The following VTI1A variants were observed in gnomAD, a reference collection of about 807,000 sequenced individuals.
VTI1A encodes the protein vesicle transport through interaction with t-SNAREs homolog 1A.
Under a neutral mutation model 34.9 loss-of-function variants are expected in VTI1A, and 22 were observed. The observed-to-expected ratio is 0.63, with a 90% CI of 0.45 to 0.90. VTI1A has a LOEUF of 0.90. Ranked by LOEUF, VTI1A falls within the 40% of genes least tolerant of loss-of-function variation. The pLI is 0.00. For missense variants in VTI1A, 268 were observed against 275.6 expected (o/e 0.97, Z 0.20); for synonymous variants, 87 against 97.3 (o/e 0.89, Z 0.62).
intron 7 of VTI1A, among the ~76,000 whole-genome samples, chr10:112,724,863 C>G (rs1849957571): frequency 6.6e-6 from 1 of 151,752 alleles, no homozygotes; most frequent in South Asian, 2.1e-4. Context: ...GTAATGAACC[C>G]ACATGTCTCT....
At chr10:112,772,376 T>G (rs1184474451) in intron 7 of VTI1A, among the ~76,000 whole-genome samples, 1 of 152,242 alleles carries the variant, frequency 6.6e-6, no homozygotes, top group African/African-American at 2.4e-5. Flanking sequence ...TCAGATCCTT[T>G]GCTCGCTTTT....
intron 3 of VTI1A, among the ~76,000 whole-genome samples, chr10:112,488,701 C>T (rs1335196312): frequency 6.6e-6 from 1 of 152,014 alleles, no homozygotes; most frequent in African/African-American, 2.4e-5. Context: ...CTCTGGTCTT[C>T]ATTTCTTTTT....
intron 5 of VTI1A, among the ~76,000 whole-genome samples, chr10:112,560,697 A>G (rs1269264361): frequency 6.6e-6 from 1 of 151,258 alleles, no homozygotes; most frequent in East Asian, 1.9e-4. Flanking sequence ...CCCGGGTTCA[A>G]GTGATTCTCC....
intron 1 of VTI1A, among the ~76,000 whole-genome samples, chr10:112,450,919 G>A (rs780946982): frequency 6.6e-6 from 1 of 152,178 alleles, no homozygotes; most frequent in Non-Finnish European, 1.5e-5. Context: ...TGATGGGAGT[G>A]AATTCTTAAG....
At chr10:112,793,091 C>A (rs989482008) in intron 7 of VTI1A, among the ~76,000 whole-genome samples, 2 of 152,164 alleles carry the variant, frequency 1.3e-5, no homozygotes, top group Non-Finnish European at 1.5e-5. Flanking sequence ...TGCCTTTTGC[C>A]GTGGCTGTGT....
chr10:112,469,692 T>TG (rs886972166), intron 3 of VTI1A, among the ~76,000 whole-genome samples: 16 of 152,370 alleles, frequency 1.1e-4, no homozygotes, highest in African/African-American at 3.4e-4. Context: ...TCCATCTCTC[T>TG]GCCCTGGGCA....
At chr10:112,663,492 G>A (rs1401958490) in intron 5 of VTI1A, among the ~76,000 whole-genome samples, 4 of 152,152 alleles carry the variant, frequency 2.6e-5, no homozygotes, top group African/African-American at 7.2e-5. Flanking sequence ...TTTCTACATC[G>A]TAACTGGAAG....
At chr10:112,515,407 T>G (rs1849743909) in intron 3 of VTI1A, among the ~76,000 whole-genome samples, 1 of 152,146 alleles carries the variant, frequency 6.6e-6, no homozygotes. Context: ...TATCAATATC[T>G]TTAGTGTTTG....
At chr10:112,842,051 C>CTTTTTTTTTTTTTTTTTTTTTTTT in the VTI1A span, among the ~76,000 whole-genome samples, 4 of 66,648 alleles carry the variant, frequency 6.0e-5, no homozygotes, top group Non-Finnish European at 1.1e-4. Flanking sequence ...TTTTTTTTTC[C>CTTTTTTTTTTTTTTTTTTTTTTTT]TTTTTTTTTT....
At chr10:112,834,669 G>A in the VTI1A span, among the ~76,000 whole-genome samples, 1 of 152,156 alleles carries the variant, frequency 6.6e-6, no homozygotes, top group East Asian at 1.9e-4. Flanking sequence ...AGATATGGCT[G>A]GCATTTAGTT....
chr10:112,572,731 G>T (rs1852183776), intron 5 of VTI1A, among the ~76,000 whole-genome samples: 1 of 151,880 alleles, frequency 6.6e-6, no homozygotes, highest in African/African-American at 2.4e-5. Context: ...CCAGCTACTC[G>T]GGAGGCTGAA....
chr10:112,462,721 T>C (rs553122341), intron 2 of VTI1A, among the ~76,000 whole-genome samples: 2 of 152,314 alleles, frequency 1.3e-5, no homozygotes, highest in East Asian at 3.9e-4. Context: ...GTGGTTTATC[T>C]GTATGCTACT....
At chr10:112,547,921 A>G (rs1851197609) in intron 5 of VTI1A, among the ~76,000 whole-genome samples, 1 of 152,036 alleles carries the variant, frequency 6.6e-6, no homozygotes, top group African/African-American at 2.4e-5. Context: ...CAGTAGTATA[A>G]GCTTACTTTT....
intron 7 of VTI1A, among the ~76,000 whole-genome samples, chr10:112,693,790 G>A (rs1056589152): frequency 6.6e-6 from 1 of 152,188 alleles, no homozygotes; most frequent in Admixed American, 6.5e-5. Context: ...TATGCACTTG[G>A]AGAAATAAAA....
intron 3 of VTI1A, among the ~76,000 whole-genome samples, chr10:112,491,643 TAATA>T (rs879945645): frequency 6.6e-6 from 1 of 152,256 alleles, no homozygotes; most frequent in Non-Finnish European, 1.5e-5. Context: ...TTTCAAAATG[TAATA>T]AATATTAAAA....
chr10:112,450,504 T>C (rs1377319401), intron 1 of VTI1A: 1 of 152,202 alleles, frequency 6.6e-6, no homozygotes, highest in Non-Finnish European at 1.5e-5. Context: ...GAGCAAACTT[T>C]CCAGCCAAAG....
At chr10:112,845,874 C>T in the VTI1A span, among the ~76,000 whole-genome samples, 4 of 152,254 alleles carry the variant, frequency 2.6e-5, no homozygotes, top group Non-Finnish European at 4.4e-5. Context: ...AAAAATTAGC[C>T]GGGCGTGGTG....
At chr10:112,572,092 C>A (rs538170566) in intron 5 of VTI1A, among the ~76,000 whole-genome samples, 17 of 152,256 alleles carry the variant, frequency 1.1e-4, no homozygotes, top group African/African-American at 4.1e-4. Flanking sequence ...ACACCATATA[C>A]TAATGTAACA....
the VTI1A span, chr10:112,826,888 A>G: frequency 6.6e-6 from 1 of 152,332 alleles, no homozygotes; most frequent in Admixed American, 6.5e-5. Context: ...TACTGCTTTA[A>G]GGTAACACTT....
Sources: allele counts gnomAD v4.1 joint callset (sites outside exome capture counted in the v4.1 genomes callset), GRCh38; gene constraint gnomAD v4.1.1; transcripts MANE v1.5; gene names NCBI Gene and HGNC (gene_info 2026-07-23, HGNC 2026-07-21).